Variants in ITGAM observed in about 807,000 individuals in gnomAD.
The protein encoded by ITGAM is integrin subunit alpha M.
ITGAM carries 79 observed loss-of-function variants against 137.5 expected under a neutral mutation model. The ratio of observed to expected loss-of-function variants is 0.57; its 90% CI spans 0.48 to 0.69. ITGAM has a LOEUF of 0.69. Ranked by LOEUF, ITGAM falls within the 30% of genes least tolerant of loss-of-function variation. The pLI, the probability that ITGAM is intolerant of heterozygous loss-of-function variation, is 0.00. For missense variants in ITGAM, 1,343 were observed against 1,483.5 expected, an observed-to-expected ratio of 0.91 and a Z score of 1.56; for synonymous variants, 583 against 592.3, an observed-to-expected ratio of 0.98 and a Z score of 0.23.
intron 12 of ITGAM, among the ~76,000 whole-genome samples, chr16:31,284,829 T>C (rs533911930): frequency 6.6e-6 from 1 of 152,256 alleles, no homozygotes; most frequent in South Asian, 2.1e-4. Flanking sequence ...AGACTGGAGC[T>C]GTTCCTATTC....
intron 3 of ITGAM, 106 bp downstream of exon 3, chr16:31,265,604 C>T: frequency 1.2e-6 from 1 of 821,114 alleles, no homozygotes; most frequent in Non-Finnish European, 1.9e-6. Flanking sequence ...ACACAGGTGC[C>T]TGCCTCCGTA....
At chr16:31,288,667 C>A (rs1042167253) in intron 12 of ITGAM, among the ~76,000 whole-genome samples, 11 of 152,082 alleles carry the variant, frequency 7.2e-5, no homozygotes, top group African/African-American at 2.7e-4. Context: ...AGAAGGAAAC[C>A]TAGGCATTAC....
chr16:31,330,632 A>G, intron 28 of ITGAM, 27 bp downstream of exon 28: 3 of 1,527,528 alleles, frequency 2.0e-6, no homozygotes, highest in Non-Finnish European at 2.7e-6. Context: ...CTGAGGAACT[A>G]TTGGAGGGAG....
In ITGAM at chr16:31,260,077, G is replaced by A. The variant is rs1296575500; in HGVS notation, c.13G>A (p.Val5Ile). 2 of 1,520,842 alleles carry A rather than the reference G, an allele frequency of 1.3e-6. No individual in the cohort carries two copies. The highest frequency in any genetic ancestry group is 3.8e-5 in the Admixed American group (2 of 53,000). 94.2% of individuals were successfully genotyped at this position (1,520,842 alleles called of 1,614,324 possible). A position where few individuals can be genotyped will look rare whatever the true frequency, so the allele number is the denominator to read the frequency against. Residue 5 changes from valine to isoleucine, a missense_variant, in exon 1 of 30, where the codon GTC becomes ATC. Transcript: ENST00000544665. Reference sequence around the variant, plus strand: ...GCTCCTTCCAGCCATGGCTCTCAGAGTCCTTCTGTTAACAGGTGCATGGGG... The same window carrying A: ...GCTCCTTCCAGCCATGGCTCTCAGAATCCTTCTGTTAACAGGTGCATGGGG... MALR[V>I]LLLTALTLCH...
Position 31,275,691 on chromosome 16 carries a change from C to G in ITGAM, c.1001C>G (p.Ala334Gly), listed in dbSNP as rs563980365. The G allele has an allele frequency of 1.2e-6, 2 of 1,613,542 alleles. No individual in the cohort carries two copies. Among genetic ancestry groups the G allele is most frequent in the African/African-American group, 2.7e-5 (2 of 74,894 alleles). ...IQNQLREKIF[A>G]IEGTQTGSSS... ...AACCAGCTTCGGGAGAAGATCTTTGCGATCGAGGGTGAGTCAGGCATCTGT... is the reference window on the plus strand; with the variant it reads ...AACCAGCTTCGGGAGAAGATCTTTGGGATCGAGGGTGAGTCAGGCATCTGT... Residue 334 changes from alanine to glycine, a missense_variant, in exon 9 of 30, where the codon GCG becomes GGG. Transcript: ENST00000544665.
At position 31,330,683 on chromosome 16, in the gene ITGAM, G is replaced by GAC. The variant is rs1452124787; in HGVS notation, c.3276+82_3276+83dup. 5.0e-6 allele frequency: 5 copies of GAC among 998,000 alleles called. No homozygotes were observed. The Admixed American group carries it at 7.5e-5, about 15-fold the overall frequency. The allele number at this position is 998,000 out of a possible 1,614,324, so 61.8% of individuals were successfully genotyped here. A position where few individuals can be genotyped will look rare whatever the true frequency, so the allele number is the denominator to read the frequency against. ...GGAGATTTCTGGGGGAGGAGAGAGA[G>GAC]ACACAAAGAGAGAGGGAGAGAGAGA... On this transcript the variant is annotated intron_variant, in intron 28 of 29. Transcript: ENST00000544665.
chr16:31,291,479 C>G (rs1208672830), intron 12 of ITGAM, among the ~76,000 whole-genome samples: 2 of 152,146 alleles, frequency 1.3e-5, no homozygotes, highest in Non-Finnish European at 2.9e-5. Context: ...GTTCCTCTTT[C>G]TCTGCATCTT....
chr16:31,288,666 C>G (rs946137328), intron 12 of ITGAM, among the ~76,000 whole-genome samples: 3 of 152,128 alleles, frequency 2.0e-5, no homozygotes, highest in Non-Finnish European at 2.9e-5. Context: ...TAGAAGGAAA[C>G]CTAGGCATTA....
rs1267855449 is a variant in ITGAM, at chr16:31,275,607, A to G, written c.917A>G (p.Lys306Arg). The G allele has an allele frequency of 6.2e-7, 1 of 1,613,936 alleles. No homozygotes were observed. The highest frequency in any genetic ancestry group is 1.7e-5 in the Admixed American group (1 of 60,010). The change falls in exon 9 of 30, where the codon AAG becomes AGG. Residue 306 changes from lysine (K) to arginine (R), a missense_variant. Transcript: ENST00000544665. Reference protein sequence around the residue: ...SRQELNTIASKPPRDHVFQVN... With the variant: ...SRQELNTIASRPPRDHVFQVN... ...CAAGAGCTTAATACCATCGCATCCAAGCCGCCTCGTGATCACGTGTTCCAG... is the reference window on the plus strand; with the variant it reads ...CAAGAGCTTAATACCATCGCATCCAGGCCGCCTCGTGATCACGTGTTCCAG...
chr16:31,263,982 C>T (rs889388185), intron 2 of ITGAM, among the ~76,000 whole-genome samples: 4 of 151,734 alleles, frequency 2.6e-5, no homozygotes, highest in East Asian at 3.9e-4. Flanking sequence ...ACTACAGGTG[C>T]GTGCCACCAC....
chr16:31,296,077 A>C (rs1208335140), intron 12 of ITGAM, among the ~76,000 whole-genome samples: 2 of 150,424 alleles, frequency 1.3e-5, no homozygotes, highest in East Asian at 3.9e-4. Flanking sequence ...GGGATAAATC[A>C]CACTTGATCA....
chr16:31,282,983 A>T (rs2079986625), intron 12 of ITGAM, among the ~76,000 whole-genome samples: 1 of 152,140 alleles, frequency 6.6e-6, no homozygotes, highest in African/African-American at 2.4e-5. Flanking sequence ...TATGAAGCTT[A>T]GTTTGGCTGG....
rs573993099 is a variant in ITGAM at position 31,304,184 on chromosome 16, T to C, written c.1707+6230T>C. On this transcript the variant is annotated intron_variant, in intron 14 of 29. Coordinates refer to ENST00000544665, the MANE Select transcript of ITGAM (RefSeq NM_000632.4). ...GCAGGAGTAAGGTGGTATTTTATTG[T>C]GGTTTTAATTTGCATTTCCTTGATG... Among the ~76,000 whole-genome samples the C allele has an allele frequency of 7.9e-5, 12 of 152,328 alleles. No homozygotes were observed. The South Asian group carries it at 2.5e-3, about 32-fold the overall frequency.
chr16:31,265,643 T>G, intron 3 of ITGAM, 145 bp downstream of exon 3: 1 of 764,110 alleles, frequency 1.3e-6, no homozygotes, highest in Non-Finnish European at 2.1e-6. Flanking sequence ...GTCTCTACCC[T>G]AGACATCCCC....
chr16:31,276,928 C>G lies in ITGAM; in HGVS notation c.1092C>G (p.Pro364=). 1 of 1,612,366 alleles carries G rather than the reference C, an allele frequency of 6.2e-7. No homozygotes were observed. The highest frequency in any genetic ancestry group is 8.5e-7 in the Non-Finnish European group (1 of 1,179,154). ...TTCTACACCTTTCCCAGAATGGCCC[C>G]TTGCTGAGCACTGTGGGGAGCTATG... ...GFSAAITSNG[P]LLSTVGSYDW... The change falls in exon 11 of 30, where the codon CCC becomes CCG. Residue 364 remains proline, a synonymous_variant. Transcript: ENST00000544665.
chr16:31,290,134 T>C (rs2080072926), intron 12 of ITGAM, among the ~76,000 whole-genome samples: 1 of 151,440 alleles, frequency 6.6e-6, no homozygotes, highest in South Asian at 2.1e-4. Flanking sequence ...ATTGATCTTG[T>C]ATCCAAAACA....
chr16:31,269,728 G>A (rs1460430804), intron 5 of ITGAM, among the ~76,000 whole-genome samples: 1 of 152,198 alleles, frequency 6.6e-6, no homozygotes, highest in Non-Finnish European at 1.5e-5. Context: ...TATGGGTTGA[G>A]GAGAGGGAGA....
At chr16:31,325,456 GGCCGGAGGTGGATATCACC>G in intron 20 of ITGAM, 25 bp from the exon 21 acceptor site, 1 of 1,613,008 alleles carries the variant, frequency 6.2e-7, no homozygotes, top group Non-Finnish European at 8.5e-7. Context: ...CCATCCTCAC[GGCCGGAGGTGGATATCACC>G]GCCTTTGCCT....
intron 3 of ITGAM, 69 bp from the exon 4 acceptor site, chr16:31,265,742 C>T (rs1011575129): frequency 7.1e-7 from 1 of 1,401,472 alleles, no homozygotes; most frequent in East Asian, 2.3e-5. Flanking sequence ...GAGGTGACCC[C>T]TGCCCAGCTC....
Sources: allele counts gnomAD v4.1 joint callset (sites outside exome capture counted in the v4.1 genomes callset), GRCh38; gene constraint gnomAD v4.1.1; transcripts MANE v1.5; gene names NCBI Gene and HGNC (gene_info 2026-07-23, HGNC 2026-07-21).